FRY: variants seen among roughly 807,000 people sequenced by gnomAD.
FRY encodes the protein protein furry homolog.
FRY carries 128 observed loss-of-function variants against 348.4 expected under a neutral mutation model. That is an observed-to-expected ratio of 0.37 (90% CI 0.32 to 0.43). The LOEUF (loss-of-function observed/expected upper bound fraction) is 0.43. FRY is among the 20% of genes least tolerant of loss of function. The pLI, the probability that FRY is intolerant of heterozygous loss-of-function variation, is 1.00. For synonymous variants in FRY, 1,370 were observed against 1,374.7 expected, an observed-to-expected ratio of 1.00 and a Z score of 0.08; for missense variants, 2,736 against 3,695.2, an observed-to-expected ratio of 0.74 and a Z score of 6.73.
In FRY at chr13:32,170,391, A is replaced by G. The variant is rs190010053; in HGVS notation, c.1893-621A>G. On this transcript the variant is annotated intron_variant, in intron 17 of 60. Transcript: ENST00000542859. ...GTAAAGTAGTTAATAGCTTCATCTC[A>G]ATATTAAGTTCTTAGTTTTGATCAG... Among the ~76,000 whole-genome samples the G allele has an allele frequency of 2.0e-4, 30 of 152,330 alleles. No homozygotes were observed. In the East Asian group the frequency reaches 5.8e-3, roughly 29 times the overall value.
At chr13:32,180,515 G>A (rs772150220) in intron 23 of FRY, among the ~76,000 whole-genome samples, 2 of 152,176 alleles carry the variant, frequency 1.3e-5, no homozygotes, top group African/African-American at 2.4e-5. Flanking sequence ...GATTACAGGC[G>A]TGAGCCACCA....
intron 59 of FRY, among the ~76,000 whole-genome samples, chr13:32,290,463 G>C (rs1566199198): frequency 6.6e-6 from 1 of 151,982 alleles, no homozygotes; most frequent in African/African-American, 2.4e-5. Flanking sequence ...ATTCCAATAA[G>C]AACAAAGAGC....
Position 32,124,281 on chromosome 13 carries a change from T to C in FRY, c.465-5T>C. 6.5e-7 allele frequency: 1 copy of C among 1,547,532 alleles called. No homozygotes were observed. The highest frequency in any genetic ancestry group is 1.1e-5 in the South Asian group (1 of 89,660). ...GCTTTAATGTAAATATTTTAAATTT[T>C]ACAGCGATGAACAACAGCGAGATTA... On this transcript the variant is annotated splice_polypyrimidine_tract_variant and splice_region_variant and intron_variant, in intron 4 of 60. Coordinates refer to ENST00000542859, the MANE Select transcript of FRY (RefSeq NM_023037.3).
chr13:32,177,455 G>A (rs1882435008), intron 20 of FRY, among the ~76,000 whole-genome samples: 2 of 152,188 alleles, frequency 1.3e-5, no homozygotes, highest in East Asian at 1.9e-4. Flanking sequence ...TTAGCGAGGT[G>A]TGGTGGCGAT....
intron 1 of FRY, among the ~76,000 whole-genome samples, chr13:32,039,451 G>A (rs1359776122): frequency 6.6e-6 from 1 of 151,608 alleles, no homozygotes. Flanking sequence ...ATGTCTGTCT[G>A]TCTCTCTCTC....
At chr13:32,194,903 C>T (rs1030742290) in intron 29 of FRY, among the ~76,000 whole-genome samples, 12 of 67,014 alleles carry the variant, frequency 1.8e-4, no homozygotes, top group Non-Finnish European at 3.3e-4. Flanking sequence ...AAGCTATTCC[C>T]AAGAAAGCTT....
At chr13:32,250,814 T>A (rs1887039521) in intron 49 of FRY, among the ~76,000 whole-genome samples, 1 of 152,114 alleles carries the variant, frequency 6.6e-6, no homozygotes, top group African/African-American at 2.4e-5. Flanking sequence ...TCTCAGTGAG[T>A]GTTCAGCTGA....
At chr13:32,122,386 T>C (rs910370041) in intron 4 of FRY, among the ~76,000 whole-genome samples, 4 of 148,234 alleles carry the variant, frequency 2.7e-5, no homozygotes, top group African/African-American at 1.0e-4. Context: ...GAGCTTGCAG[T>C]GAGCAAGATG....
chr13:32,142,996 A>G (rs1478605803), intron 11 of FRY, among the ~76,000 whole-genome samples: 4 of 152,108 alleles, frequency 2.6e-5, no homozygotes, highest in African/African-American at 9.7e-5. Context: ...GATGTAACCT[A>G]ATTGAAGTTA....
In FRY at chr13:32,234,647, T is replaced by C; in HGVS notation, c.5601T>C (p.Ala1867=). 1 of 1,614,174 alleles carries C rather than the reference T, an allele frequency of 6.2e-7. No individual in the cohort carries two copies. The highest frequency in any genetic ancestry group is 8.5e-7 in the Non-Finnish European group (1 of 1,180,024). Residue 1867 remains alanine (A), a synonymous_variant, in exon 42 of 61, where the codon GCT becomes GCC. Transcript: ENST00000542859. The part of the protein sequence containing the change: ...TALASSSRHY[A]GRSFQIFRAL... ...TCGCAAGCTCTTCAAGGCACTATGC[T>C]GGTCGGTCCTTCCAGATATTCCGGG...
At chr13:32,133,551 C>T (rs1410651912) in intron 8 of FRY, among the ~76,000 whole-genome samples, 1 of 152,086 alleles carries the variant, frequency 6.6e-6, no homozygotes. Context: ...AACTATAGAG[C>T]TCATCTGTAT....
intron 20 of FRY, among the ~76,000 whole-genome samples, chr13:32,177,787 T>C (rs1340317617): frequency 6.6e-6 from 1 of 152,186 alleles, no homozygotes; most frequent in East Asian, 1.9e-4. Context: ...AAAAACACAT[T>C]TGTGAATCTC....
intron 58 of FRY, among the ~76,000 whole-genome samples, chr13:32,285,784 A>G (rs1272162465): frequency 6.6e-6 from 1 of 152,218 alleles, no homozygotes; most frequent in African/African-American, 2.4e-5. Context: ...ATGTTGTCCA[A>G]AAAGTCTTCG....
At chr13:32,035,603 G>A (rs1021997774) in intron 1 of FRY, among the ~76,000 whole-genome samples, 5 of 152,160 alleles carry the variant, frequency 3.3e-5, no homozygotes, top group African/African-American at 1.2e-4. Context: ...TTGTGTCTCT[G>A]TCCACCCCAG....
At chr13:32,214,535 T>G (rs1172720092) in intron 35 of FRY, among the ~76,000 whole-genome samples, 1 of 152,222 alleles carries the variant, frequency 6.6e-6, no homozygotes, top group Non-Finnish European at 1.5e-5. Flanking sequence ...GCCAAAAGAT[T>G]GGACACCCGC....
chr13:32,214,491 G>A (rs939259061), intron 35 of FRY, among the ~76,000 whole-genome samples: 4 of 152,202 alleles, frequency 2.6e-5, no homozygotes, highest in African/African-American at 4.8e-5. Context: ...TTGTGTTAGT[G>A]TAGACAGTTC....
Position 32,254,174 on chromosome 13 carries a change from A to C in FRY, c.7246-50A>C, listed in dbSNP as rs1318056905. On this transcript the variant is annotated intron_variant, in intron 50 of 60. Transcript: ENST00000542859. ...AGCCAATTACAATTTTTCGTAGCAC[A>C]AACAACCAAAGGGAGAACGGTTTCT... 2.5e-6 allele frequency: 4 copies of C among 1,597,666 alleles called. No individual in the cohort carries two copies. In the Admixed American group the frequency reaches 5.0e-5, roughly 20 times the overall value.
chr13:32,229,478 T>C (rs80187457), intron 40 of FRY, among the ~76,000 whole-genome samples: 1,943 of 152,310 alleles, frequency 0.013, 32 homozygotes, highest in African/African-American at 0.039. Context: ...TTCAGGTTAT[T>C]TTGTGCAGCT....
chr13:32,111,553 G>A (rs919881361), intron 3 of FRY, among the ~76,000 whole-genome samples: 1 of 152,122 alleles, frequency 6.6e-6, no homozygotes, highest in African/African-American at 2.4e-5. Context: ...GGAAGAGGAA[G>A]CATCAGCATT....
Sources: allele counts gnomAD v4.1 joint callset (sites outside exome capture counted in the v4.1 genomes callset), GRCh38; gene constraint gnomAD v4.1.1; transcripts MANE v1.5; gene names NCBI Gene and HGNC (gene_info 2026-07-23, HGNC 2026-07-21).